Variants in CTNNA2 observed in about 807,000 individuals in gnomAD.
The protein encoded by CTNNA2 is catenin alpha 2, also known as catenin alpha-2.
CTNNA2 carries 42 observed loss-of-function variants against 101.0 expected under a neutral mutation model. The ratio of observed to expected loss-of-function variants is 0.42; its 90% confidence interval spans 0.32 to 0.54. CTNNA2 has a LOEUF of 0.54. Ranked by LOEUF, CTNNA2 falls within the 20% of genes least tolerant of loss-of-function variation. CTNNA2 has a pLI of 0.14. For missense variants in CTNNA2, 871 were observed against 1,223.1 expected (o/e 0.71, Z 4.29); for synonymous variants, 450 against 456.4 (o/e 0.99, Z 0.18).
intron 5 of CTNNA2, among the ~76,000 whole-genome samples, chr2:79,507,614 A>C (rs768415778): frequency 2.2e-4 from 34 of 152,214 alleles, no homozygotes; most frequent in Non-Finnish European, 4.6e-4. Context: ...ACAGTTTGTT[A>C]TAGAAGCAAA....
chr2:80,424,818 G>A (rs1261932761), intron 9 of CTNNA2, among the ~76,000 whole-genome samples: 1 of 152,160 alleles, frequency 6.6e-6, no homozygotes, highest in Non-Finnish European at 1.5e-5. Flanking sequence ...CTTCTTGCCT[G>A]TTGCTATTTG....
intron 3 of CTNNA2, among the ~76,000 whole-genome samples, chr2:79,321,513 C>T (rs1162441159): frequency 1.3e-5 from 2 of 152,178 alleles, no homozygotes; most frequent in African/African-American, 4.8e-5. Flanking sequence ...TATAAGCTGG[C>T]TGCTAAGAAT....
chr2:79,698,395 T>G (rs1394810474), intron 2 of CTNNA2, among the ~76,000 whole-genome samples: 1 of 152,088 alleles, frequency 6.6e-6, no homozygotes, highest in Admixed American at 6.6e-5. Context: ...CTTGAATCGT[T>G]TCAATACTTT....
chr2:79,671,778 GT>G, intron 2 of CTNNA2, among the ~76,000 whole-genome samples: 1 of 152,332 alleles, frequency 6.6e-6, no homozygotes, highest in East Asian at 1.9e-4. Flanking sequence ...GAGTCACCAA[GT>G]TTTTGAGATC....
intron 9 of CTNNA2, among the ~76,000 whole-genome samples, chr2:80,464,120 G>A (rs1010647085): frequency 4.6e-5 from 7 of 152,062 alleles, no homozygotes; most frequent in African/African-American, 1.7e-4. Context: ...CAGCCTCCAA[G>A]CATCACTGCA....
At chr2:80,056,419 A>G (rs1490369477) in intron 7 of CTNNA2, among the ~76,000 whole-genome samples, 1 of 152,184 alleles carries the variant, frequency 6.6e-6, no homozygotes, top group Non-Finnish European at 1.5e-5. Flanking sequence ...CAAGGAGACA[A>G]TGAATATTAG....
intron 1 of CTNNA2, among the ~76,000 whole-genome samples, chr2:79,633,276 G>T (rs1679813101): frequency 1.3e-5 from 2 of 152,140 alleles, no homozygotes; most frequent in Non-Finnish European, 2.9e-5. Context: ...CATAGTCACA[G>T]ATAGATGCAA....
intron 7 of CTNNA2, among the ~76,000 whole-genome samples, chr2:80,203,303 C>T (rs1268978648): frequency 6.6e-6 from 1 of 152,186 alleles, no homozygotes. Context: ...CAAAAGTCCA[C>T]ATTCCAAAGT....
chr2:80,128,344 G>A (rs1432887379), intron 7 of CTNNA2, among the ~76,000 whole-genome samples: 1 of 152,066 alleles, frequency 6.6e-6, no homozygotes, highest in South Asian at 2.1e-4. Flanking sequence ...ACTATGAGAG[G>A]CACTTAACCT....
At chr2:80,266,253 C>T (rs1047803606) in intron 7 of CTNNA2, among the ~76,000 whole-genome samples, 1 of 152,220 alleles carries the variant, frequency 6.6e-6, no homozygotes, top group Non-Finnish European at 1.5e-5. Flanking sequence ...GTGTCACTCT[C>T]CCTGGTGGGA....
intron 3 of CTNNA2, among the ~76,000 whole-genome samples, chr2:79,836,404 A>G (rs571452988): frequency 4.6e-5 from 7 of 152,324 alleles, no homozygotes; most frequent in South Asian, 4.1e-4. Flanking sequence ...CAAGGATAAG[A>G]CGCAGAGTAC....
intron 7 of CTNNA2, chr2:80,299,021 AT>A (rs1214323024): frequency 6.6e-6 from 1 of 152,170 alleles, no homozygotes; most frequent in Non-Finnish European, 1.5e-5. Context: ...CTATATAAAT[AT>A]TCGAAAAACC....
At chr2:79,440,566 G>T (rs1558667121) in intron 4 of CTNNA2, among the ~76,000 whole-genome samples, 1 of 152,092 alleles carries the variant, frequency 6.6e-6, no homozygotes, top group Non-Finnish European at 1.5e-5. Flanking sequence ...CAAAGACCTA[G>T]TCCTTAGGGA....
intron 9 of CTNNA2, among the ~76,000 whole-genome samples, chr2:80,519,865 T>C (rs1689392507): frequency 6.6e-6 from 1 of 152,148 alleles, no homozygotes; most frequent in Admixed American, 6.5e-5. Flanking sequence ...TGGCCAGGTG[T>C]CCTCACTTTG....
chr2:80,448,706 A>T (rs1683256091), intron 9 of CTNNA2, among the ~76,000 whole-genome samples: 2 of 152,050 alleles, frequency 1.3e-5, no homozygotes, highest in African/African-American at 4.8e-5. Context: ...CTTAGGACTG[A>T]TTTTTTACAG....
intron 18 of CTNNA2, 61 bp downstream of exon 18, chr2:80,619,289 G>A (rs1455628628): frequency 1.4e-6 from 2 of 1,384,504 alleles, no homozygotes; most frequent in Admixed American, 2.8e-5. Flanking sequence ...CTGAAGGCAG[G>A]GGGGATTGGA....
In CTNNA2 at chr2:80,162,564, T is replaced by A. The variant is rs911862946; in HGVS notation, c.1057-230647T>A. Reference sequence around the variant, plus strand: ...TAGAAGAAATCATCTCTTTCCTCTGTAATGATGGTCAGACCCATGATCAGT... The same window carrying A: ...TAGAAGAAATCATCTCTTTCCTCTGAAATGATGGTCAGACCCATGATCAGT... On this transcript the variant is annotated intron_variant, in intron 7 of 18. Transcript: ENST00000402739. The A allele has an allele frequency of 1.2e-5, 19 of 1,609,538 alleles. No individual in the cohort carries two copies. The African/African-American group carries it at 2.3e-4, about 19-fold the overall frequency.
chr2:80,627,187 G>A (rs1671775596), intron 18 of CTNNA2, among the ~76,000 whole-genome samples: 1 of 152,156 alleles, frequency 6.6e-6, no homozygotes, highest in South Asian at 2.1e-4. Flanking sequence ...GTGTGTGTGT[G>A]TGTCTTTATA....
At chr2:79,978,718 T>C (rs1312722437) in intron 7 of CTNNA2, among the ~76,000 whole-genome samples, 2 of 152,192 alleles carry the variant, frequency 1.3e-5, no homozygotes, top group African/African-American at 4.8e-5. Flanking sequence ...TGAGGAGCAG[T>C]TGGAAACACG....
Sources: gnomAD v4.1 joint callset for allele counts (sites outside exome capture counted in the v4.1 genomes callset) on GRCh38, gnomAD v4.1.1 for gene constraint, MANE v1.5 for transcripts, NCBI Gene and HGNC (gene_info 2026-07-23, HGNC 2026-07-21) for gene names.